RTTN: variants seen among roughly 807,000 people sequenced by gnomAD.
RTTN encodes rotatin.
In RTTN, 182 loss-of-function variants were observed where a neutral mutation model predicts 269.2. The observed-to-expected ratio is 0.68, with a 90% CI of 0.60 to 0.76. RTTN has a LOEUF of 0.76. RTTN is among the 30% of genes least tolerant of loss of function. The probability of loss-of-function intolerance (pLI) is 0.00; values close to 1 mark genes in which losing one functional copy is unlikely to be tolerated. For missense variants in RTTN, 2,545 were observed against 2,608.6 expected, an observed-to-expected ratio of 0.98 and a Z score of 0.53; for synonymous variants, 1,006 against 963.5, an observed-to-expected ratio of 1.04 and a Z score of -0.82.
intron 18 of RTTN, among the ~76,000 whole-genome samples, chr18:70,145,212 C>T (rs11661852): frequency 0.46 from 69,919 of 152,172 alleles, 19,693 homozygotes; most frequent in East Asian, 0.61. Flanking sequence ...CCACATGGGA[C>T]TGTCTAGTTG....
chr18:70,149,174 A>G, intron 16 of RTTN, 137 bp from the exon 17 acceptor site: 2 of 729,292 alleles, frequency 2.7e-6, no homozygotes. Flanking sequence ...ATTATTTTTT[A>G]AAATAACTTC....
chr18:70,142,548 A>G (rs2060284862), intron 18 of RTTN, among the ~76,000 whole-genome samples, 161 bp from the exon 19 acceptor site: 1 of 152,204 alleles, frequency 6.6e-6, no homozygotes, highest in Non-Finnish European at 1.5e-5. Context: ...TGGGTTAAGT[A>G]GCAGTTCTGT....
intron 28 of RTTN, 88 bp downstream of exon 28, chr18:70,109,410 G>T: frequency 1.1e-6 from 1 of 900,770 alleles, no homozygotes; most frequent in Admixed American, 1.9e-5. Context: ...ATTCTACATT[G>T]AATAGAGTAA....
chr18:70,011,729 T>C (rs548930414), intron 46 of RTTN, among the ~76,000 whole-genome samples: 1 of 151,148 alleles, frequency 6.6e-6, no homozygotes, highest in Non-Finnish European at 1.5e-5. Flanking sequence ...GTATTGGAAC[T>C]TCTGGCCAGG....
At chr18:70,094,525 C>T (rs1175399464) in intron 28 of RTTN, among the ~76,000 whole-genome samples, 1 of 152,062 alleles carries the variant, frequency 6.6e-6, no homozygotes, top group Non-Finnish European at 1.5e-5. Context: ...TTATTTCTGC[C>T]TTAATTGTGT....
At chr18:70,101,185 A>C (rs1331018795) in intron 28 of RTTN, among the ~76,000 whole-genome samples, 1 of 152,184 alleles carries the variant, frequency 6.6e-6, no homozygotes, top group African/African-American at 2.4e-5. Flanking sequence ...GGTAGAATTC[A>C]GCTGTGAATC....
Position 70,028,778 on chromosome 18 carries a change from T to A in RTTN, c.5769A>T (p.Leu1923Phe). ...TTCTTAGGAGCTGCATGGCAATGCT[T>A]AACTCTTTAATAACACCATCCTCCT... ...KKKEDGVIKE[L>F]SIAMQLLRNC... Residue 1923 changes from leucine to phenylalanine, a missense_variant, in exon 43 of 49, where the codon TTA becomes TTT. Coordinates refer to ENST00000640769, the MANE Select transcript of RTTN (RefSeq NM_173630.4). 6.2e-7 allele frequency: 1 copy of A among 1,611,538 alleles called. No homozygotes were observed. Among genetic ancestry groups the A allele is most frequent in the Non-Finnish European group, 8.5e-7 (1 of 1,178,136 alleles).
intron 18 of RTTN, among the ~76,000 whole-genome samples, chr18:70,143,199 T>G (rs2060303556): frequency 6.6e-6 from 1 of 152,194 alleles, no homozygotes; most frequent in Non-Finnish European, 1.5e-5. Context: ...CACTTTTTAA[T>G]GGAGCTGTTT....
chr18:70,062,582 A>G (rs1239000593), intron 35 of RTTN, among the ~76,000 whole-genome samples: 2 of 150,056 alleles, frequency 1.3e-5, no homozygotes, highest in African/African-American at 4.9e-5. Context: ...AATTTGGTCC[A>G]TATCTGTTTG....
intron 14 of RTTN, among the ~76,000 whole-genome samples, chr18:70,153,840 C>T (rs1406785637): frequency 3.3e-5 from 5 of 152,122 alleles, no homozygotes; most frequent in Non-Finnish European, 7.4e-5. Flanking sequence ...TATTATAACT[C>T]CCTGATAGTA....
At chr18:70,049,986 G>A (rs893955026) in intron 39 of RTTN, among the ~76,000 whole-genome samples, 3 of 152,102 alleles carry the variant, frequency 2.0e-5, no homozygotes, top group African/African-American at 4.8e-5. Flanking sequence ...AAGGATACTG[G>A]TTTCTATACC....
At position 70,121,543 on chromosome 18, in the gene RTTN, T is replaced by C. The variant is rs778614287; in HGVS notation, c.3528+13A>G. On this transcript the variant is annotated intron_variant, in intron 26 of 48. Transcript: ENST00000640769. ...TCCCAAACTTAAAATCCAAATTCCT[T>C]AACACCACTTACATGTCTAAGAAGT... 1.6e-5 allele frequency: 24 copies of C among 1,543,992 alleles called. No individual in the cohort carries two copies. Among genetic ancestry groups the C allele is most frequent in the Non-Finnish European group, 2.1e-5 (24 of 1,154,818 alleles).
chr18:70,013,443 G>A (rs995517980), intron 46 of RTTN, among the ~76,000 whole-genome samples: 1 of 142,192 alleles, frequency 7.0e-6, no homozygotes, highest in African/African-American at 3.1e-5. Flanking sequence ...GTGAATTAAT[G>A]TGGTGGGCCC....
rs1430477474 is a variant in RTTN at position 70,176,199 on chromosome 18, A to ATAT, written c.1476+475_1476+476insATA. On this transcript the variant is annotated intron_variant, in intron 11 of 48. Transcript: ENST00000640769. ...TATATGTATACGTAGATGTAGATGT[A>ATAT]GATGTATATGTATATGTATATGTAT... Among the ~76,000 whole-genome samples the ATAT allele has an allele frequency of 2.4e-3, 312 of 131,396 alleles. 1 individual carries two copies. Among genetic ancestry groups the ATAT allele is most frequent in the African/African-American group, 9.5e-3 (280 of 29,454 alleles). The allele number at this position is 131,396 out of a possible 152,430, so 86.2% of individuals were successfully genotyped here. A position where few individuals can be genotyped will look rare whatever the true frequency, so the allele number is the denominator to read the frequency against.
intron 32 of RTTN, among the ~76,000 whole-genome samples, chr18:70,077,297 T>C (rs2058452484): frequency 6.6e-6 from 1 of 151,958 alleles, no homozygotes; most frequent in African/African-American, 2.4e-5. Flanking sequence ...CTCTATCAGT[T>C]ACCACAACCC....
rs986152715 is a variant in RTTN at position 70,092,165 on chromosome 18, G to A, written c.4088C>T (p.Pro1363Leu). 1 of 1,613,542 alleles carries A rather than the reference G, an allele frequency of 6.2e-7. No individual in the cohort carries two copies. The highest frequency in any genetic ancestry group is 1.7e-5 in the Admixed American group (1 of 59,976). The stretch of plus-strand genomic sequence containing the variant: ...CAACCAAGCCAATCCTTGTTGAGTA[G>A]GAATATGTTCTTCACTATGACTACC... ...PLGSHSEEHI[P>L]TQQGLAWLIP... Residue 1363 changes from proline to leucine, a missense_variant, in exon 30 of 49, where the codon CCT becomes CTT. Transcript: ENST00000640769.
At chr18:70,129,844 T>C (rs376043672) in intron 23 of RTTN, 2 of 151,908 alleles carry the variant, frequency 1.3e-5, no homozygotes, top group Non-Finnish European at 2.9e-5. Flanking sequence ...AGACCACCTA[T>C]GGAATGAGAG....
intron 4 of RTTN, 58 bp from the exon 5 acceptor site, chr18:70,199,562 A>C (rs2061899086): frequency 1.6e-6 from 2 of 1,219,916 alleles, no homozygotes; most frequent in Admixed American, 3.4e-5. Flanking sequence ...ACAGATTCAC[A>C]ATGTTAAGAG....
chr18:70,077,954 A>C (rs981702824), intron 32 of RTTN, among the ~76,000 whole-genome samples: 1 of 151,866 alleles, frequency 6.6e-6, no homozygotes, highest in Non-Finnish European at 1.5e-5. Flanking sequence ...TAAGGGACTT[A>C]CAATTTCTGG....
Sources: gnomAD v4.1 joint callset for allele counts (sites outside exome capture counted in the v4.1 genomes callset) on GRCh38, gnomAD v4.1.1 for gene constraint, MANE v1.5 for transcripts, NCBI Gene and HGNC (gene_info 2026-07-23, HGNC 2026-07-21) for gene names.